The following FSTL4 variants were observed in gnomAD, a reference collection of about 807,000 sequenced individuals.
FSTL4 encodes follistatin-related protein 4.
In FSTL4, 28 loss-of-function variants were observed where a neutral mutation model predicts 78.2. The observed-to-expected ratio is 0.36, with a 90% CI of 0.27 to 0.49. FSTL4 has a LOEUF of 0.49. Among genes scored for constraint, FSTL4 ranks in the 20% least tolerant of loss-of-function variants. FSTL4 has a pLI of 0.98. For synonymous variants in FSTL4, 422 were observed against 440.5 expected (o/e 0.96, Z 0.53); for missense variants, 922 against 1,084.9 (o/e 0.85, Z 2.11).
At chr5:133,221,050 G>T (rs1581538760) in intron 11 of FSTL4, 184 bp from the exon 12 acceptor site, 1 of 689,886 alleles carries the variant, frequency 1.4e-6, no homozygotes. Flanking sequence ...GTGCAGAGAG[G>T]GCCCCCCAGG....
intron 3 of FSTL4, among the ~76,000 whole-genome samples, chr5:133,497,263 T>G (rs1758385271): frequency 6.6e-6 from 1 of 152,176 alleles, no homozygotes; most frequent in Non-Finnish European, 1.5e-5. Context: ...GTTCCAATCC[T>G]GGTTCTGTCA....
intron 6 of FSTL4, among the ~76,000 whole-genome samples, chr5:133,297,756 G>A (rs1414483839): frequency 6.6e-6 from 1 of 152,152 alleles, no homozygotes; most frequent in East Asian, 1.9e-4. Flanking sequence ...GCCAAATTGG[G>A]TTTAGGACCC....
chr5:133,490,513 T>G (rs979454756), intron 3 of FSTL4, among the ~76,000 whole-genome samples: 1 of 152,220 alleles, frequency 6.6e-6, no homozygotes, highest in African/African-American at 2.4e-5. Context: ...AAAATTATAC[T>G]GAAGGCTATA....
chr5:133,244,245 GCAAAGTCTCC>G (rs1751967656), intron 7 of FSTL4: 1 of 152,340 alleles, frequency 6.6e-6, no homozygotes, highest in African/African-American at 2.4e-5. Flanking sequence ...GGGGCTGGGG[GCAAAGTCTCC>G]CCTTCTACCA....
At chr5:133,632,729 A>T in the FSTL4 span, among the ~76,000 whole-genome samples, 2 of 152,226 alleles carry the variant, frequency 1.3e-5, no homozygotes, top group East Asian at 3.9e-4. Context: ...TCTGTTGCCC[A>T]GCCTGGGGTG....
chr5:133,336,631 G>C (rs1459943990), intron 4 of FSTL4, among the ~76,000 whole-genome samples: 1 of 152,148 alleles, frequency 6.6e-6, no homozygotes, highest in Non-Finnish European at 1.5e-5. Context: ...GCCTAGACTT[G>C]TCATCAGGGC....
intron 6 of FSTL4, 151 bp downstream of exon 6, chr5:133,312,502 CT>C (rs1421499132): frequency 1.5e-6 from 1 of 675,530 alleles, no homozygotes; most frequent in Non-Finnish European, 2.6e-6. Context: ...TTTCTTAAAG[CT>C]CAGGCTTGTT....
the FSTL4 span, among the ~76,000 whole-genome samples, chr5:133,635,965 A>G: frequency 6.6e-6 from 1 of 152,180 alleles, no homozygotes; most frequent in Non-Finnish European, 1.5e-5. Flanking sequence ...TAAAATCACT[A>G]TAGTACAGTG....
rs75865231 is a variant in FSTL4 at position 133,259,048 on chromosome 5, G to T, written c.728-9472C>A. Among the ~76,000 whole-genome samples, 70 of 151,902 alleles carry T rather than the reference G, an allele frequency of 4.6e-4. No homozygotes were observed. In the East Asian group the frequency reaches 0.013, roughly 28 times the overall value. ...GACTGAGGGAGCAAGGGCTGGGGGT[G>T]GGGGGTGTCTCAGAATAGGCTGGCA... On this transcript the variant is annotated intron_variant, in intron 6 of 15. Transcript: ENST00000265342.
chr5:133,431,008 G>GA (rs1353873572), intron 3 of FSTL4, among the ~76,000 whole-genome samples: 1 of 152,132 alleles, frequency 6.6e-6, no homozygotes, highest in African/African-American at 2.4e-5. Context: ...ACTTTTGATG[G>GA]AAAAAACAGC....
intron 6 of FSTL4, chr5:133,275,709 A>G (rs2126853024): frequency 6.6e-6 from 1 of 152,344 alleles, no homozygotes; most frequent in South Asian, 2.1e-4. Flanking sequence ...TCTCGTAACA[A>G]AATACATACG....
chr5:133,644,667 C>T, the FSTL4 span, among the ~76,000 whole-genome samples: 69 of 152,126 alleles, frequency 4.5e-4, no homozygotes, highest in Non-Finnish European at 9.6e-4. Context: ...AGTGACAGCC[C>T]GATTATTTGA....
intron 7 of FSTL4, chr5:133,246,918 C>T (rs535076650): frequency 1.2e-3 from 177 of 152,280 alleles, no homozygotes; most frequent in African/African-American, 4.1e-3. Flanking sequence ...AGGCTGGTAC[C>T]ATTATTTATC....
At position 133,449,794 on chromosome 5, in the gene FSTL4, C is replaced by T. The variant is rs530672708; in HGVS notation, c.161-48808G>A. On this transcript the variant is annotated intron_variant, in intron 3 of 15. Coordinates refer to ENST00000265342, the MANE Select transcript of FSTL4 (RefSeq NM_015082.2). ...ACCACTGTGCAATTCATTTTCCCTGCGGGTCTTTTAAGTATTGGCAAATGC... is the reference window on the plus strand; with the variant it reads ...ACCACTGTGCAATTCATTTTCCCTGTGGGTCTTTTAAGTATTGGCAAATGC... 2.0e-5 allele frequency among the ~76,000 whole-genome samples: 3 copies of T among 152,224 alleles called. No homozygotes were observed. The East Asian group carries it at 5.8e-4, about 29-fold the overall frequency.
chr5:133,450,463 C>A (rs531243037), intron 3 of FSTL4, among the ~76,000 whole-genome samples: 1 of 152,248 alleles, frequency 6.6e-6, no homozygotes, highest in African/African-American at 2.4e-5. Flanking sequence ...CGAGCACTCA[C>A]GGCCCACAGG....
At chr5:133,568,445 G>A (rs973163179) in intron 2 of FSTL4, among the ~76,000 whole-genome samples, 1 of 152,254 alleles carries the variant, frequency 6.6e-6, no homozygotes, top group South Asian at 2.1e-4. Flanking sequence ...TCAGAAGGGG[G>A]AGGCAATATT....
chr5:133,331,252 G>C (rs1754339284), intron 4 of FSTL4, among the ~76,000 whole-genome samples: 1 of 152,198 alleles, frequency 6.6e-6, no homozygotes, highest in Admixed American at 6.5e-5. Flanking sequence ...GGGGAGACTG[G>C]GGCAGTAGCA....
chr5:133,510,608 T>A (rs1758709814), intron 3 of FSTL4, among the ~76,000 whole-genome samples: 1 of 152,042 alleles, frequency 6.6e-6, no homozygotes. Context: ...AACCACAAAC[T>A]TAGCTCCCTA....
At chr5:133,656,544 C>G in the FSTL4 span, among the ~76,000 whole-genome samples, 1 of 152,094 alleles carries the variant, frequency 6.6e-6, no homozygotes, top group Non-Finnish European at 1.5e-5. Context: ...AAGGCACCAA[C>G]AGCTTCTGCT....
Sources: allele counts gnomAD v4.1 joint callset (sites outside exome capture counted in the v4.1 genomes callset), GRCh38; gene constraint gnomAD v4.1.1; transcripts MANE v1.5; gene names NCBI Gene and HGNC (gene_info 2026-07-23, HGNC 2026-07-21).